The following DIDO1 variants were observed in gnomAD, a reference collection of about 807,000 sequenced individuals.
DIDO1 encodes the protein death inducer-obliterator 1.
In DIDO1, 16 loss-of-function variants were observed where a neutral mutation model predicts 99.4. The ratio of observed to expected loss-of-function variants is 0.16; its 90% CI spans 0.11 to 0.24. The LOEUF (loss-of-function observed/expected upper bound fraction) is 0.24, where lower values mean the gene tolerates loss of function less well. DIDO1 is among the 10% of genes least tolerant of loss of function. DIDO1 has a pLI of 1.00. For synonymous variants in DIDO1, 1,366 were observed against 1,239.1 expected (o/e 1.10, Z -2.15); for missense variants, 2,996 against 3,014.0 (o/e 0.99, Z 0.14).
intron 1 of DIDO1, among the ~76,000 whole-genome samples, chr20:62,931,584 A>G (rs747279172): frequency 6.6e-6 from 1 of 152,086 alleles, no homozygotes; most frequent in Non-Finnish European, 1.5e-5. Context: ...CGGAATAGAG[A>G]CCCGCGAAAA....
upstream of DIDO1, among the ~76,000 whole-genome samples, chr20:62,930,119 A>G (rs970430474): frequency 2.0e-5 from 3 of 152,096 alleles, no homozygotes; most frequent in Admixed American, 6.5e-5. Flanking sequence ...AGGCGCCTGT[A>G]ATCCCAGCTA....
Position 62,907,320 on chromosome 20 carries a change from C to T in DIDO1, c.1201G>A (p.Gly401Arg), listed in dbSNP as rs755559157. Residue 401 changes from glycine (G) to arginine (R), a missense_variant, in exon 5 of 16, where the codon GGG becomes AGG. Around this residue, in one of 5 missense-constraint regions of DIDO1, gnomAD observed 898 missense variants for 972.7 expected, o/e 0.92. Coordinates refer to ENST00000395343, the MANE Select transcript of DIDO1 (RefSeq NM_001193369.2). Reference protein sequence around the residue: ...APGASKCIGPGCCHVAQPDSV... With the variant: ...APGASKCIGPRCCHVAQPDSV... ...TCGGGCTGCGCCACGTGACAGCACC[C>T]GGGGCCAATACATTTTGAGGCACCA... The T allele has an allele frequency of 1.9e-6, 3 of 1,614,016 alleles. No homozygotes were observed. The highest frequency in any genetic ancestry group is 1.7e-5 in the Admixed American group (1 of 60,008).
At position 62,881,030 on chromosome 20, in the gene DIDO1, GGTGCCCTCCCC is replaced by G. The variant is rs760685275; in HGVS notation, c.4915_4925del (p.Gly1639ProfsTer37). ...AGCTGTCTCCAACCGTGGCGGGGCGGGTGCCCTCCCCAGGCTCTGCCTTCCAGCCGTCCTGC... is the reference window on the plus strand; with the variant it reads ...AGCTGTCTCCAACCGTGGCGGGGCGGAGGCTCTGCCTTCCAGCCGTCCTGC... On this transcript the variant is annotated frameshift_variant, in exon 16 of 16. Transcript: ENST00000395343. LOFTEE classifies it low-confidence loss of function (END_TRUNC). This position sits in a 1 kb window ranked among gnomAD's most constrained non-coding sequence, Gnocchi z 8.3. The G allele has an allele frequency of 1.2e-6, 2 of 1,605,070 alleles. No homozygotes were observed. The highest frequency in any genetic ancestry group is 1.7e-6 in the Non-Finnish European group (2 of 1,178,234).
chr20:62,903,353 G>A (rs1286291361), intron 6 of DIDO1, among the ~76,000 whole-genome samples: 2 of 152,206 alleles, frequency 1.3e-5, no homozygotes, highest in Non-Finnish European at 2.9e-5. Flanking sequence ...GCACTGTGGG[G>A]AGCAGCAGCG....
rs186959303 is a variant in DIDO1, at chr20:62,935,140, G to A, written c.-200+2656C>T. Among the ~76,000 whole-genome samples the A allele has an allele frequency of 6.2e-4, 95 of 152,082 alleles. 1 individual carries two copies. The highest frequency in any genetic ancestry group is 1.9e-3 in the African/African-American group (77 of 41,456). On this transcript the variant is annotated intron_variant, in intron 1 of 15. Transcript: ENST00000266070. ...TCTTCTTCATGATCATTCTCAGTTGGTGCCACCACCTCATCAGCTGGGCTA... is the reference window on the plus strand; with the variant it reads ...TCTTCTTCATGATCATTCTCAGTTGATGCCACCACCTCATCAGCTGGGCTA...
At chr20:62,890,584 T>C (rs1354326753) in intron 15 of DIDO1, 8 of 1,040,218 alleles carry the variant, frequency 7.7e-6, no homozygotes, top group Non-Finnish European at 6.9e-6. Flanking sequence ...CACTTCCCGG[T>C]GTGTGCTGGC....
chr20:62,883,071 G>A lies in DIDO1; in HGVS notation c.3542-657C>T, dbSNP rs141866053. Among the ~76,000 whole-genome samples the A allele has an allele frequency of 8.0e-3, 1,213 of 152,054 alleles. 9 individuals are homozygous for A. Among genetic ancestry groups the A allele is most frequent in the South Asian group, 0.028 (136 of 4,816 alleles). On this transcript the variant is annotated intron_variant, in intron 15 of 15. Coordinates refer to ENST00000395343, the MANE Select transcript of DIDO1 (RefSeq NM_001193369.2). ...CCTGAGTAGCTGGGATTACAGGCAT[G>A]CACCACTATGCCTGGCTAATTTTTG...
At chr20:62,932,589 T>G (rs1325264420) in intron 1 of DIDO1, among the ~76,000 whole-genome samples, 1 of 152,244 alleles carries the variant, frequency 6.6e-6, no homozygotes, top group Non-Finnish European at 1.5e-5. Context: ...AAATACTCTT[T>G]GGCCTTTCCC....
In DIDO1 at chr20:62,881,699, G is replaced by C. The variant is rs779016748; in HGVS notation, c.4257C>G (p.Ala1419=). ...EVERAPEAAA[A]EREEVAYDPE... is the part of the protein sequence containing the mutation. ...GGTCATAGGCCACCTCTTCCCGCTC[G>C]GCTGCAGCTGCTTCAGGAGCCCTTT... The change falls in exon 16 of 16, where the codon GCC becomes GCG. Residue 1419 remains alanine (A), a synonymous_variant. Transcript: ENST00000395343. This position sits in a 1 kb window ranked among gnomAD's most constrained non-coding sequence, Gnocchi z 8.3. The C allele has an allele frequency of 5.0e-6, 8 of 1,612,826 alleles. No individual in the cohort carries two copies. The East Asian group carries it at 1.6e-4, about 31-fold the overall frequency.
chr20:62,928,566 C>T (rs2065290516), upstream of DIDO1: 1 of 152,218 alleles, frequency 6.6e-6, no homozygotes, highest in African/African-American at 2.4e-5. Context: ...GTGAGAAAGG[C>T]ATTTGGAGAA....
chr20:62,928,095 A>G (rs1601048237), upstream of DIDO1, among the ~76,000 whole-genome samples: 1 of 152,164 alleles, frequency 6.6e-6, no homozygotes, highest in African/African-American at 2.4e-5. Context: ...GTATGGGGGA[A>G]CCTCAGCCCA....
In DIDO1 at chr20:62,882,361, T is replaced by C. The variant is rs1265446015; in HGVS notation, c.3595A>G (p.Ile1199Val). The C allele has an allele frequency of 3.1e-6, 5 of 1,613,858 alleles. No individual in the cohort carries two copies. The highest frequency in any genetic ancestry group is 1.3e-5 in the African/African-American group (1 of 74,930). The change falls in exon 16 of 16, where the codon ATC (isoleucine) becomes GTC (valine). Residue 1199 changes from isoleucine (I) to valine (V), a missense_variant. By Grantham distance (29) the Ile-to-Val change is conservative (BLOSUM62 3). This residue lies in a region of DIDO1 where 135 missense variants were observed against 202.3 expected (regional missense o/e 0.67). Coordinates refer to ENST00000395343, the MANE Select transcript of DIDO1 (RefSeq NM_001193369.2). Reference protein sequence around the residue: ...IILGLVICQKIKRPANSGELD... With the variant: ...IILGLVICQKVKRPANSGELD... ...TCTCCACTGTTTGCGGGACGTTTGA[T>C]TTTTTGGCAGATTACTAACCCAAGA... is the stretch of plus-strand genomic sequence containing the variant.
chr20:62,908,292 T>C lies in DIDO1; in HGVS notation c.1162-933A>G, dbSNP rs566920614. On this transcript the variant is annotated intron_variant, in intron 4 of 15. Transcript: ENST00000395343. The stretch of plus-strand genomic sequence containing the variant: ...CACAGCACCCGGCCAGACACACTTA[T>C]ACAGTAAAAAACAGCGTGAGGGCTT... 1.6e-4 allele frequency among the ~76,000 whole-genome samples: 25 copies of C among 152,256 alleles called. No homozygotes were observed. In the South Asian group the frequency reaches 2.5e-3, roughly 15 times the overall value.
chr20:62,924,960 G>C (rs2065225418), intron 1 of DIDO1, among the ~76,000 whole-genome samples: 2 of 152,188 alleles, frequency 1.3e-5, no homozygotes, highest in Admixed American at 1.3e-4. Flanking sequence ...TACAAGAACA[G>C]ACATCTCCTC....
In DIDO1 at chr20:62,901,289, C is replaced by G. The variant is rs572078028; in HGVS notation, c.1589-4293G>C. On this transcript the variant is annotated intron_variant, in intron 6 of 15. Coordinates refer to ENST00000395343, the MANE Select transcript of DIDO1 (RefSeq NM_001193369.2). The stretch of plus-strand genomic sequence containing the variant: ...CCTTGGTCAGTTTTCTTACTAATAC[C>G]CGCTACTTGAGTGCCTTCCAACTTA... Among the ~76,000 whole-genome samples the G allele has an allele frequency of 7.6e-4, 115 of 152,260 alleles. 1 individual carries two copies. The South Asian group carries it at 0.017, about 22-fold the overall frequency.
Position 62,894,005 on chromosome 20 carries a change from T to G in DIDO1, c.2762A>C (p.His921Pro). The G allele has an allele frequency of 1.9e-6, 3 of 1,614,186 alleles. No homozygotes were observed. The highest frequency in any genetic ancestry group is 4.5e-5 in the East Asian group (2 of 44,890). Residue 921 changes from histidine (H) to proline (P), a missense_variant, in exon 12 of 16, where the codon CAT becomes CCT. By Grantham distance (77) the His-to-Pro change is moderately conservative. Coordinates refer to ENST00000395343, the MANE Select transcript of DIDO1 (RefSeq NM_001193369.2). This position sits in a 1 kb window ranked among gnomAD's most constrained non-coding sequence, Gnocchi z 4.4. The part of the protein sequence containing the change: ...ASEPGLESAS[H>P]PNVDRTYFPG... Reference sequence around the variant, plus strand: ...GAAATACGTTCTGTCCACATTTGGATGAGAAGCACTTTCTAGGCCTGGCTC... The same window carrying G: ...GAAATACGTTCTGTCCACATTTGGAGGAGAAGCACTTTCTAGGCCTGGCTC...
chr20:62,899,861 ACACACCCATTC>A (rs1460171678), intron 6 of DIDO1, among the ~76,000 whole-genome samples: 1 of 152,196 alleles, frequency 6.6e-6, no homozygotes, highest in East Asian at 1.9e-4. Context: ...GGACCCGAGC[ACACACCCATTC>A]CACTCCAGGT....
chr20:62,905,704 G>A (rs6062745), intron 6 of DIDO1, 183 bp downstream of exon 6: 29 of 1,609,670 alleles, frequency 1.8e-5, no homozygotes, highest in Non-Finnish European at 2.5e-5. Context: ...TGACAGACTA[G>A]GGATGGACAC....
chr20:62,907,171 G>A lies in DIDO1; in HGVS notation c.1350C>T (p.Pro450=). 2 of 1,614,242 alleles carry A rather than the reference G, an allele frequency of 1.2e-6. No individual in the cohort carries two copies. Among genetic ancestry groups the A allele is most frequent in the Non-Finnish European group, 8.5e-7 (1 of 1,180,050 alleles). Residue 450 remains proline (P), a synonymous_variant, in exon 5 of 16, where the codon CCC becomes CCT. Coordinates refer to ENST00000395343, the MANE Select transcript of DIDO1 (RefSeq NM_001193369.2). ...KEKMKMKPEK[P]SLPKCGAQAG... ...CCTGAGCACCGCATTTCGGAAGACT[G>A]GGCTTCTCTGGCTTCATCTTCATCT... is the stretch of plus-strand genomic sequence containing the variant.
Sources: allele counts gnomAD v4.1 joint callset (sites outside exome capture counted in the v4.1 genomes callset), GRCh38; gene constraint gnomAD v4.1.1; regional missense constraint gnomAD v4.1.1; non-coding constraint Gnocchi (gnomAD v3.1); transcripts MANE v1.5; gene names NCBI Gene and HGNC (gene_info 2026-07-23, HGNC 2026-07-21).